The following PSMB9 variants were observed in gnomAD, a reference collection of about 807,000 sequenced individuals.
The protein encoded by PSMB9 is proteasome 20S subunit beta 9.
Under a neutral mutation model 26.9 loss-of-function variants are expected in PSMB9, and 16 were observed. That is an observed-to-expected ratio of 0.59 (90% CI 0.40 to 0.90). The LOEUF is 0.90. PSMB9 is among the 40% of genes least tolerant of loss of function. The pLI, the probability that PSMB9 is intolerant of heterozygous loss-of-function variation, is 0.00. For missense variants in PSMB9, 253 were observed against 292.2 expected, an observed-to-expected ratio of 0.87 and a Z score of 0.98; for synonymous variants, 91 against 112.0, an observed-to-expected ratio of 0.81 and a Z score of 1.18.
intron 3 of PSMB9, 96 bp from the exon 4 acceptor site, chr6:32,857,909 A>T: frequency 6.9e-7 from 1 of 1,454,058 alleles, no homozygotes; most frequent in Non-Finnish European, 9.5e-7. Flanking sequence ...TATTGCAGTT[A>T]CAGTTTTCAG....
At position 32,859,446 on chromosome 6, in the gene PSMB9, G is replaced by GTCA; in HGVS notation, c.577_579dup (p.Ile193dup). 7.4e-6 allele frequency: 12 copies of GTCA among 1,613,602 alleles called. No individual in the cohort carries two copies. Among genetic ancestry groups the GTCA allele is most frequent in the Non-Finnish European group, 9.3e-6 (11 of 1,179,852 alleles). On this transcript the variant is annotated inframe_insertion, in exon 6 of 6. Coordinates refer to ENST00000374859, the MANE Select transcript of PSMB9 (RefSeq NM_002800.5). ...GAGCCGGGATGGCTCAAGCGGGGGT[G>GTCA]TCATCTACCTGGTCACTATTACAGC...
intron 2 of PSMB9, chr6:32,856,529 G>A: frequency 3.4e-6 from 1 of 293,844 alleles, no homozygotes; most frequent in Non-Finnish European, 6.4e-6. Context: ...AGATGATTCT[G>A]TCAAGCAGAT....
In PSMB9 at chr6:32,858,530, C is replaced by T. The variant is rs1318675370; in HGVS notation, c.532+25C>T. 6.2e-7 allele frequency: 1 copy of T among 1,612,654 alleles called. No individual in the cohort carries two copies. Among genetic ancestry groups the T allele is most frequent in the African/African-American group, 1.3e-5 (1 of 74,976 alleles). ...GGTAACCAGCCAAGTGGAAGGGTAC[C>T]TGGGGAGGGCTTTGAAACATGGGAA... On this transcript the variant is annotated intron_variant, in intron 5 of 5. Coordinates refer to ENST00000374859, the MANE Select transcript of PSMB9 (RefSeq NM_002800.5). This position sits in a 1 kb window ranked among gnomAD's most constrained non-coding sequence, Gnocchi z 5.2.
intron 1 of PSMB9, 77 bp from the exon 2 acceptor site, chr6:32,856,061 G>A: frequency 7.4e-7 from 1 of 1,352,032 alleles, no homozygotes; most frequent in Non-Finnish European, 1.0e-6. Flanking sequence ...CGCCTCTCTG[G>A]GAATGTTTCT....
At position 32,859,400 on chromosome 6, in the gene PSMB9, T is replaced by C. The variant is rs1771342066; in HGVS notation, c.533-5T>C. On this transcript the variant is annotated splice_polypyrimidine_tract_variant and splice_region_variant and intron_variant, in intron 5 of 5. Transcript: ENST00000374859. ...TCCCTCTCTCCAACTTGAAACCCTC[T>C]GCAGCTATTGCTCTGGCCATGAGCC... The C allele has an allele frequency of 6.2e-7, 1 of 1,609,596 alleles. No individual in the cohort carries two copies. Among genetic ancestry groups the C allele is most frequent in the South Asian group, 1.1e-5 (1 of 90,144 alleles).
Position 32,858,928 on chromosome 6 carries a change from T to C in PSMB9, c.532+423T>C. ...TGAACTGGGCATAGTGGTGCACACC[T>C]GTAGTCCCAGCTACTCAGGAGGCTG... is the stretch of plus-strand genomic sequence containing the variant. On this transcript the variant is annotated intron_variant, in intron 5 of 5. Transcript: ENST00000374859. This position sits in a 1 kb window ranked among gnomAD's most constrained non-coding sequence, Gnocchi z 5.2. The C allele has an allele frequency of 3.5e-6, 1 of 283,144 alleles. No homozygotes were observed. The highest frequency in any genetic ancestry group is 6.8e-6 in the Non-Finnish European group (1 of 147,114). The allele number at this position is 283,144 out of a possible 1,614,324, so 17.5% of individuals were successfully genotyped here. A position where few individuals can be genotyped will look rare whatever the true frequency, so the allele number is the denominator to read the frequency against.
Position 32,858,227 on chromosome 6 carries a change from A to G in PSMB9, c.390+93A>G. 1.3e-6 allele frequency: 2 copies of G among 1,596,058 alleles called. No homozygotes were observed. The highest frequency in any genetic ancestry group is 1.7e-6 in the Non-Finnish European group (2 of 1,169,178). ...CTATGTCATTCTAGCAATGAGTTCC[A>G]AGGACACTACCTCTGAAAGCATAGT... On this transcript the variant is annotated intron_variant, in intron 4 of 5. Coordinates refer to ENST00000374859, the MANE Select transcript of PSMB9 (RefSeq NM_002800.5). This position sits in a 1 kb window ranked among gnomAD's most constrained non-coding sequence, Gnocchi z 5.2.
At chr6:32,855,761 C>T (rs1215572330) in intron 1 of PSMB9, among the ~76,000 whole-genome samples, 2 of 152,118 alleles carry the variant, frequency 1.3e-5, no homozygotes, top group Non-Finnish European at 2.9e-5. Context: ...TGGGTCTACA[C>T]CACATCTGCA....
rs1253701630 is a variant in PSMB9 at position 32,854,243 on chromosome 6, G to A, written c.14G>A (p.Gly5Glu). Residue 5 changes from glycine to glutamate, a missense_variant, in exon 1 of 6, where the codon GGA becomes GAA. Gly to Glu is a moderately conservative substitution (Grantham distance 98, BLOSUM62 -2). Coordinates refer to ENST00000374859, the MANE Select transcript of PSMB9 (RefSeq NM_002800.5). This position sits in a 1 kb window ranked among gnomAD's most constrained non-coding sequence, Gnocchi z 4.6. MLRA[G>E]APTGDLPRAG... ...TGCCTTGCAGGGATGCTGCGGGCGG[G>A]AGCACCAACCGGGGACTTACCCCGG... 2 of 1,541,876 alleles carry A rather than the reference G, an allele frequency of 1.3e-6. No individual in the cohort carries two copies. Among genetic ancestry groups the A allele is most frequent in the Non-Finnish European group, 8.7e-7 (1 of 1,145,084 alleles).
At chr6:32,856,344 T>G (rs1264352533) in intron 2 of PSMB9, 139 bp downstream of exon 2, 1 of 820,110 alleles carries the variant, frequency 1.2e-6, no homozygotes, top group African/African-American at 1.7e-5. Context: ...GCCACTATGA[T>G]AAGCTATTTG....
In PSMB9 at chr6:32,858,951, C is replaced by T; in HGVS notation, c.532+446C>T. 4.0e-6 allele frequency: 1 copy of T among 251,462 alleles called. No individual in the cohort carries two copies. The highest frequency in any genetic ancestry group is 7.8e-6 in the Non-Finnish European group (1 of 128,686). 15.6% of individuals were successfully genotyped at this position (251,462 alleles called of 1,614,324 possible). A position where few individuals can be genotyped will look rare whatever the true frequency, so the allele number is the denominator to read the frequency against. ...CCTGTAGTCCCAGCTACTCAGGAGG[C>T]TGAGGTGGAAAGATCATCTGAGCCG... On this transcript the variant is annotated intron_variant, in intron 5 of 5. Transcript: ENST00000374859. The surrounding 1 kb of genome is among the most constrained non-coding windows in gnomAD (Gnocchi z 5.2).
intron 3 of PSMB9, 55 bp downstream of exon 3, chr6:32,857,449 T>A: frequency 6.3e-7 from 1 of 1,580,452 alleles, no homozygotes; most frequent in South Asian, 1.1e-5. Context: ...CCAACCTGCA[T>A]GAATCCCTGT....
Position 32,854,288 on chromosome 6 carries a change from G to T in PSMB9, c.59G>T (p.Gly20Val). Reference protein sequence around the residue: ...DLPRAGEVHTGTTIMAVEFDG... With the variant: ...DLPRAGEVHTVTTIMAVEFDG... ...CCCCGGGCGGGAGAAGTCCACACCG[G>T]GGTAATGGGTCTGGGCTTGAGGGTT... Residue 20 changes from glycine to valine, a missense_variant and splice_region_variant, in exon 1 of 6, where the codon GGG (glycine) becomes GTG (valine). Transcript: ENST00000374859. This position sits in a 1 kb window ranked among gnomAD's most constrained non-coding sequence, Gnocchi z 4.6. 6.6e-7 allele frequency: 1 copy of T among 1,509,742 alleles called. No homozygotes were observed. Among genetic ancestry groups the T allele is most frequent in the Non-Finnish European group, 8.8e-7 (1 of 1,131,318 alleles). 93.5% of individuals were successfully genotyped at this position (1,509,742 alleles called of 1,614,324 possible). A position where few individuals can be genotyped will look rare whatever the true frequency, so the allele number is the denominator to read the frequency against.
At chr6:32,857,463 G>T in intron 3 of PSMB9, 69 bp downstream of exon 3, 2 of 1,511,184 alleles carry the variant, frequency 1.3e-6, no homozygotes, top group Non-Finnish European at 1.8e-6. Context: ...TCCCTGTACA[G>T]TGTGCTGTTC....
intron 2 of PSMB9, chr6:32,856,485 G>C (rs1042563819): frequency 5.1e-5 from 19 of 372,502 alleles, no homozygotes; most frequent in Non-Finnish European, 9.2e-5. Flanking sequence ...AGATTTTTGA[G>C]GGTCTTCTTT....
At position 32,858,610 on chromosome 6, in the gene PSMB9, A is replaced by C; in HGVS notation, c.532+105A>C. 1 of 1,459,370 alleles carries C rather than the reference A, an allele frequency of 6.9e-7. No individual in the cohort carries two copies. The highest frequency in any genetic ancestry group is 1.4e-5 in the African/African-American group (1 of 71,972). 90.4% of individuals were successfully genotyped at this position (1,459,370 alleles called of 1,614,324 possible). A position where few individuals can be genotyped will look rare whatever the true frequency, so the allele number is the denominator to read the frequency against. On this transcript the variant is annotated intron_variant, in intron 5 of 5. Coordinates refer to ENST00000374859, the MANE Select transcript of PSMB9 (RefSeq NM_002800.5). This position sits in a 1 kb window ranked among gnomAD's most constrained non-coding sequence, Gnocchi z 5.2. ...AATACAGGGGTGGCCATTTAAGTTA[A>C]TGCCGGGCCTGGTACACTTTTAAGA...
chr6:32,856,067 T>C, intron 1 of PSMB9, 71 bp from the exon 2 acceptor site: 2 of 1,412,682 alleles, frequency 1.4e-6, no homozygotes, highest in Non-Finnish European at 2.0e-6. Context: ...TCTGGGAATG[T>C]TTCTTCTTCT....
intron 1 of PSMB9, among the ~76,000 whole-genome samples, chr6:32,855,668 G>A (rs1771125545): frequency 6.6e-6 from 1 of 151,670 alleles, no homozygotes; most frequent in African/African-American, 2.4e-5. Context: ...GATGAAATGG[G>A]GGGTGAGAGT....
In PSMB9 at chr6:32,858,012, C is replaced by T. The variant is rs1771246649; in HGVS notation, c.268C>T (p.Leu90=). The change falls in exon 4 of 6, where the codon CTG becomes TTG. Residue 90 remains leucine (L), a synonymous_variant. Transcript: ENST00000374859. The surrounding 1 kb of genome is among the most constrained non-coding windows in gnomAD (Gnocchi z 5.2). ...TCCTAATATTTCCCTCAGGATAGAACTGGAGGAACCTCCACTTGTTTTGGC... is the reference window on the plus strand; with the variant it reads ...TCCTAATATTTCCCTCAGGATAGAATTGGAGGAACCTCCACTTGTTTTGGC... ...AYQLELHGIE[L]EEPPLVLAAA... The T allele has an allele frequency of 1.2e-6, 2 of 1,613,076 alleles. No homozygotes were observed. Among genetic ancestry groups the T allele is most frequent in the Non-Finnish European group, 8.5e-7 (1 of 1,179,998 alleles).
Sources: gnomAD v4.1 joint callset for allele counts (sites outside exome capture counted in the v4.1 genomes callset) on GRCh38, gnomAD v4.1.1 for gene constraint, Gnocchi (gnomAD v3.1) non-coding constraint, MANE v1.5 for transcripts, NCBI Gene and HGNC (gene_info 2026-07-23, HGNC 2026-07-21) for gene names.